The following CSMD1 variants were observed in gnomAD, a reference collection of about 807,000 sequenced individuals.
CSMD1 encodes the protein CUB and sushi domain-containing protein 1.
CSMD1 carries 213 observed loss-of-function variants against 417.5 expected under a neutral mutation model. That is an observed-to-expected ratio of 0.51 (90% CI 0.46 to 0.57). CSMD1 has a LOEUF of 0.57. Among genes scored for constraint, CSMD1 ranks in the 20% least tolerant of loss-of-function variants. The pLI, the probability that CSMD1 is intolerant of heterozygous loss-of-function variation, is 0.00. For synonymous variants in CSMD1, 2,862 were observed against 1,736.8 expected (o/e 1.65, Z -16.11); for missense variants, 6,923 against 4,529.7 (o/e 1.53, Z -15.17).
intron 5 of CSMD1, among the ~76,000 whole-genome samples, chr8:3,988,186 A>T (rs1814480746): frequency 6.6e-6 from 1 of 152,172 alleles, no homozygotes; most frequent in Non-Finnish European, 1.5e-5. Flanking sequence ...GTCTCTAAGC[A>T]GTAAGACCCT....
At chr8:4,492,461 C>A (rs2915061) in intron 2 of CSMD1, among the ~76,000 whole-genome samples, 17,642 of 152,162 alleles carry the variant, frequency 0.12, 1,145 homozygotes, top group African/African-American at 0.18. Context: ...CACAAGTAAA[C>A]ATGAGCTTAG....
At chr8:4,203,661 C>T (rs1361106296) in intron 3 of CSMD1, among the ~76,000 whole-genome samples, 1 of 152,010 alleles carries the variant, frequency 6.6e-6, no homozygotes, top group African/African-American at 2.4e-5. Context: ...GAAGTTGGTT[C>T]CTCTCCTGGC....
At chr8:4,012,809 G>T (rs1398056229) in intron 4 of CSMD1, among the ~76,000 whole-genome samples, 1 of 152,048 alleles carries the variant, frequency 6.6e-6, no homozygotes, top group Non-Finnish European at 1.5e-5. Context: ...TCAATAAACG[G>T]TAACTCCATT....
At chr8:4,970,673 T>G (rs1810184186) in intron 1 of CSMD1, among the ~76,000 whole-genome samples, 1 of 152,098 alleles carries the variant, frequency 6.6e-6, no homozygotes, top group Non-Finnish European at 1.5e-5. Flanking sequence ...TAAAAAGTTA[T>G]AAATAAATAG....
At chr8:4,266,689 G>C (rs77252556) in intron 3 of CSMD1, among the ~76,000 whole-genome samples, 53,222 of 102,716 alleles carry the variant, frequency 0.52, 21,581 homozygotes, top group Middle Eastern at 0.65. Context: ...CATTATCAAA[G>C]AATTATACTT....
chr8:4,730,643 A>T (rs1358393364), intron 1 of CSMD1, among the ~76,000 whole-genome samples: 5 of 152,162 alleles, frequency 3.3e-5, no homozygotes, highest in African/African-American at 1.2e-4. Context: ...CGGGAGGCTG[A>T]GACAGGAGAA....
chr8:2,992,189 A>G (rs996903048), intron 54 of CSMD1, among the ~76,000 whole-genome samples: 2 of 91,858 alleles, frequency 2.2e-5, no homozygotes, highest in Non-Finnish European at 3.9e-5. Flanking sequence ...GAACACACAC[A>G]TGCACACATA....
chr8:3,134,327 A>T (rs533787996), intron 41 of CSMD1, among the ~76,000 whole-genome samples: 3 of 152,344 alleles, frequency 2.0e-5, no homozygotes, highest in African/African-American at 7.2e-5. Flanking sequence ...GATCTGCAAG[A>T]GGCAATGCAG....
intron 4 of CSMD1, among the ~76,000 whole-genome samples, chr8:4,030,110 G>A (rs987501567): frequency 4.6e-5 from 7 of 152,186 alleles, no homozygotes; most frequent in Admixed American, 3.9e-4. Flanking sequence ...GCTGTTAACT[G>A]TCTGCAGCTT....
At chr8:3,769,216 C>G (rs991025107) in intron 5 of CSMD1, among the ~76,000 whole-genome samples, 1 of 152,144 alleles carries the variant, frequency 6.6e-6, no homozygotes, top group Non-Finnish European at 1.5e-5. Flanking sequence ...GTTGGTGACA[C>G]CTACAACACT....
At chr8:3,569,371 T>C (rs1415801298) in intron 10 of CSMD1, among the ~76,000 whole-genome samples, 3 of 152,198 alleles carry the variant, frequency 2.0e-5, no homozygotes, top group African/African-American at 4.8e-5. Flanking sequence ...AAACTGACCA[T>C]GGCAGCACTT....
intron 11 of CSMD1, among the ~76,000 whole-genome samples, chr8:3,482,436 C>G (rs552032362): frequency 1.3e-5 from 2 of 152,190 alleles, no homozygotes; most frequent in East Asian, 3.9e-4. Context: ...AGGGACACCA[C>G]AAAATAATAA....
chr8:3,587,048 C>A (rs1281199747), intron 8 of CSMD1, among the ~76,000 whole-genome samples: 1 of 152,216 alleles, frequency 6.6e-6, no homozygotes, highest in African/African-American at 2.4e-5. Flanking sequence ...GATTCACCTG[C>A]CTCAGCCTCT....
chr8:3,953,082 A>C (rs1265621958), intron 5 of CSMD1, among the ~76,000 whole-genome samples: 2 of 152,156 alleles, frequency 1.3e-5, no homozygotes, highest in Non-Finnish European at 2.9e-5. Context: ...AGTATTTGTA[A>C]AGGAGAAGAA....
intron 7 of CSMD1, among the ~76,000 whole-genome samples, chr8:3,686,840 T>C (rs2129031051): frequency 6.6e-6 from 1 of 152,336 alleles, no homozygotes; most frequent in Admixed American, 6.5e-5. Context: ...GAAATTTGCA[T>C]TAAATAAACC....
At chr8:3,783,104 C>T (rs933225432) in intron 5 of CSMD1, among the ~76,000 whole-genome samples, 1 of 152,170 alleles carries the variant, frequency 6.6e-6, no homozygotes, top group Non-Finnish European at 1.5e-5. Context: ...CCAGCCTCCA[C>T]CATCCTCCCT....
At chr8:3,744,189 G>A (rs942190734) in intron 6 of CSMD1, among the ~76,000 whole-genome samples, 3 of 152,196 alleles carry the variant, frequency 2.0e-5, no homozygotes, top group Non-Finnish European at 4.4e-5. Flanking sequence ...TGGCGGGAGT[G>A]GGAGTTGAGG....
intron 1 of CSMD1, among the ~76,000 whole-genome samples, chr8:4,799,306 G>T (rs1258203431): frequency 6.6e-6 from 1 of 152,216 alleles, no homozygotes; most frequent in Admixed American, 6.5e-5. Flanking sequence ...TATCAAAGAT[G>T]TTCAATTTAA....
At chr8:4,640,141 A>G (rs931288688) in intron 1 of CSMD1, among the ~76,000 whole-genome samples, 1 of 152,246 alleles carries the variant, frequency 6.6e-6, no homozygotes, top group African/African-American at 2.4e-5. Flanking sequence ...CTCAAGGAAT[A>G]ACATTTAGGC....
Sources: gnomAD v4.1 joint callset for allele counts (sites outside exome capture counted in the v4.1 genomes callset) on GRCh38, gnomAD v4.1.1 for gene constraint, MANE v1.5 for transcripts, NCBI Gene and HGNC (gene_info 2026-07-23, HGNC 2026-07-21) for gene names.